C1QTNF4: variants seen among roughly 807,000 people sequenced by gnomAD.
C1QTNF4 encodes C1q and TNF related 4.
A neutral mutation model predicts 14.6 loss-of-function variants in C1QTNF4; 12 were observed. That is an observed-to-expected ratio of 0.82 (90% CI 0.53 to 1.33). The LOEUF is 1.33. Among genes scored for constraint, C1QTNF4 ranks in the 40% most tolerant of loss-of-function variants. C1QTNF4 has a pLI of 0.00. For missense variants in C1QTNF4, 558 were observed against 500.3 expected, an observed-to-expected ratio of 1.12 and a Z score of -1.10; for synonymous variants, 278 against 246.6, an observed-to-expected ratio of 1.13 and a Z score of -1.19.
upstream of C1QTNF4, among the ~76,000 whole-genome samples, chr11:47,595,048 G>A (rs567352399): frequency 1.3e-5 from 2 of 152,180 alleles, no homozygotes; most frequent in Admixed American, 6.5e-5. Context: ...GGCAATAGGT[G>A]GGGAAGAAAG....
At chr11:47,592,999 G>A (rs1457626644) in intron 1 of C1QTNF4, among the ~76,000 whole-genome samples, 1 of 152,102 alleles carries the variant, frequency 6.6e-6, no homozygotes, top group East Asian at 1.9e-4. Context: ...GGAGGGAAGG[G>A]GCCATCCACA....
At chr11:47,591,613 C>T (rs1440484584) in intron 1 of C1QTNF4, among the ~76,000 whole-genome samples, 2 of 146,452 alleles carry the variant, frequency 1.4e-5, no homozygotes, top group African/African-American at 5.1e-5. Context: ...TGGTCTTGAT[C>T]TCTTGACCTT....
In C1QTNF4 at chr11:47,589,796, C is replaced by G. The variant is rs955751474; in HGVS notation, c.*25G>C. On this transcript the variant is annotated 3_prime_UTR_variant, in exon 2 of 2. Coordinates refer to ENST00000302514, the MANE Select transcript of C1QTNF4 (RefSeq NM_031909.3). Reference sequence around the variant, plus strand: ...GCCTGGCATGCACGCCCCTGGCCCTCCCGGGCTCTTCTCTGGCCCGGGGCT... The same window carrying G: ...GCCTGGCATGCACGCCCCTGGCCCTGCCGGGCTCTTCTCTGGCCCGGGGCT... 1.3e-6 allele frequency: 2 copies of G among 1,488,910 alleles called. No individual in the cohort carries two copies. Among genetic ancestry groups the G allele is most frequent in the Non-Finnish European group, 1.8e-6 (2 of 1,119,002 alleles). The allele number at this position is 1,488,910 out of a possible 1,614,324, so 92.2% of individuals were successfully genotyped here. A position where few individuals can be genotyped will look rare whatever the true frequency, so the allele number is the denominator to read the frequency against.
intron 1 of C1QTNF4, among the ~76,000 whole-genome samples, chr11:47,592,255 G>A (rs945575038): frequency 6.6e-6 from 1 of 152,258 alleles, no homozygotes; most frequent in Middle Eastern, 3.4e-3. Flanking sequence ...GGATTGGAGA[G>A]GACAGATAGC....
intron 1 of C1QTNF4, among the ~76,000 whole-genome samples, 172 bp downstream of exon 1, chr11:47,593,976 C>T (rs575635465): frequency 3.3e-5 from 5 of 152,306 alleles, no homozygotes; most frequent in Admixed American, 2.0e-4. Flanking sequence ...CCCCCGAGAC[C>T]TTCCCTCCAT....
At chr11:47,591,142 G>C (rs944187499) in intron 1 of C1QTNF4, among the ~76,000 whole-genome samples, 1 of 152,140 alleles carries the variant, frequency 6.6e-6, no homozygotes, top group Non-Finnish European at 1.5e-5. Flanking sequence ...GTAGTGGCAC[G>C]ATCTCGTTTC....
rs1418877379 is a variant in C1QTNF4, at chr11:47,590,437, T to A, written c.374A>T (p.Gln125Leu). 1 of 1,512,464 alleles carries A rather than the reference T, an allele frequency of 6.6e-7. No individual in the cohort carries two copies. Among genetic ancestry groups the A allele is most frequent in the Admixed American group, 2.1e-5 (1 of 46,742 alleles). The allele number at this position is 1,512,464 out of a possible 1,614,324, so 93.7% of individuals were successfully genotyped here. ...CCACACTGTGTCGCCGTAGTCGAGC[T>A]GCAGCATGGCGCTCTGGCTGGCTGC... ...RRAASQSAML[Q>L]LDYGDTVWLR... The change falls in exon 2 of 2, where the codon CAG becomes CTG. Residue 125 changes from glutamine to leucine, a missense_variant. Transcript: ENST00000302514.
chr11:47,593,874 C>T (rs1041974979), intron 1 of C1QTNF4, among the ~76,000 whole-genome samples: 79 of 152,074 alleles, frequency 5.2e-4, no homozygotes, highest in African/African-American at 1.6e-3. Context: ...CCCTCCCCAA[C>T]CTACCTTGAA....
Position 47,590,053 on chromosome 11 carries a change from T to G in C1QTNF4, c.758A>C (p.Glu253Ala). Residue 253 changes from glutamate (E) to alanine (A), a missense_variant, in exon 2 of 2, where the codon GAG (glutamate) becomes GCG (alanine). Physicochemically the swap from Glu to Ala is moderately radical, Grantham distance 107. Transcript: ENST00000302514. ...LSVKLMKNRD[E>A]VQAMIYDDGA... is the part of the protein sequence containing the mutation. ...GTCGTCGTAAATCATGGCCTGCACCTCGTCGCGGTTCTTCATCAGCTTAAC... is the reference window on the plus strand; with the variant it reads ...GTCGTCGTAAATCATGGCCTGCACCGCGTCGCGGTTCTTCATCAGCTTAAC... 6.2e-7 allele frequency: 1 copy of G among 1,612,756 alleles called. No homozygotes were observed. The highest frequency in any genetic ancestry group is 8.5e-7 in the Non-Finnish European group (1 of 1,179,168).
intron 1 of C1QTNF4, among the ~76,000 whole-genome samples, chr11:47,593,170 CCCA>C (rs1356563284): frequency 1.3e-5 from 2 of 152,170 alleles, no homozygotes; most frequent in Non-Finnish European, 2.9e-5. Context: ...CCCAAGGTCA[CCCA>C]TGGAGCACTG....
In C1QTNF4 at chr11:47,590,835, G is replaced by T; in HGVS notation, c.-5-20C>A. The T allele has an allele frequency of 6.9e-7, 1 of 1,457,892 alleles. No homozygotes were observed. Among genetic ancestry groups the T allele is most frequent in the South Asian group, 1.4e-5 (1 of 70,432 alleles). The allele number at this position is 1,457,892 out of a possible 1,614,324, so 90.3% of individuals were successfully genotyped here. On this transcript the variant is annotated intron_variant, in intron 1 of 1. Coordinates refer to ENST00000302514, the MANE Select transcript of C1QTNF4 (RefSeq NM_031909.3). ...TGGCGCCTGGGAGGGAGACGGAGGG[G>T]CGAGAGTGGAGTGTTGGCAGGGGCG...
rs2097274569 is a variant in C1QTNF4, at chr11:47,590,270, C to T, written c.541G>A (p.Ala181Thr). ...APPEPRSAFS[A>T]ARTRSLVGSD... ...CCCACCAAGCTGCGCGTGCGCGCCG[C>T]CGAGAAGGCCGAGCGCGGCTCGGGG... Residue 181 changes from alanine (A) to threonine (T), a missense_variant, in exon 2 of 2, where the codon GCG becomes ACG. Ala to Thr is a moderately conservative substitution (Grantham distance 58). Transcript: ENST00000302514. 1.5e-6 allele frequency: 2 copies of T among 1,332,858 alleles called. No homozygotes were observed. The highest frequency in any genetic ancestry group is 4.1e-5 in the Admixed American group (1 of 24,490). The allele number at this position is 1,332,858 out of a possible 1,614,324, so 82.6% of individuals were successfully genotyped here.
chr11:47,590,933 G>A, intron 1 of C1QTNF4, 118 bp from the exon 2 acceptor site: 7 of 1,401,706 alleles, frequency 5.0e-6, no homozygotes, highest in Non-Finnish European at 6.5e-6. Context: ...CCACAAGTAG[G>A]TTTCAATTTT....
intron 1 of C1QTNF4, among the ~76,000 whole-genome samples, chr11:47,591,397 C>CTT (rs796622746): frequency 3.8e-5 from 4 of 106,032 alleles, no homozygotes; most frequent in Non-Finnish European, 7.8e-5. Flanking sequence ...GCCCCCCCCC[C>CTT]TTTTTTTTTT....
intron 1 of C1QTNF4, among the ~76,000 whole-genome samples, chr11:47,592,148 C>T (rs186700475): frequency 2.0e-4 from 30 of 152,268 alleles, no homozygotes; most frequent in Admixed American, 1.6e-3. Flanking sequence ...GAAGGAGTGG[C>T]GAGCCAGGGG....
chr11:47,590,231 G>A lies in C1QTNF4; in HGVS notation c.580C>T (p.Pro194Ser), dbSNP rs1456276643. ...TRSLVGSDAG[P>S]GPRHQPLAFD... The stretch of plus-strand genomic sequence containing the variant: ...GCGAGTGGTTGGTGCCGCGGCCCGG[G>A]GCCAGCGTCCGAGCCCACCAAGCTG... The change falls in exon 2 of 2, where the codon CCC becomes TCC. Residue 194 changes from proline to serine, a missense_variant. Transcript: ENST00000302514. 9 of 1,526,298 alleles carry A rather than the reference G, an allele frequency of 5.9e-6. No individual in the cohort carries two copies. The highest frequency in any genetic ancestry group is 1.8e-4 in the Middle Eastern group (1 of 5,464). 94.5% of individuals were successfully genotyped at this position (1,526,298 alleles called of 1,614,324 possible). A position where few individuals can be genotyped will look rare whatever the true frequency, so the allele number is the denominator to read the frequency against.
At position 47,590,784 on chromosome 11, in the gene C1QTNF4, C is replaced by A; in HGVS notation, c.27G>T (p.Leu9=). The change falls in exon 2 of 2, where the codon CTG becomes CTT. Residue 9 remains leucine, a synonymous_variant. Coordinates refer to ENST00000302514, the MANE Select transcript of C1QTNF4 (RefSeq NM_031909.3). ...CCAGGGCCCAGCAGGCCGCTGGGCCCAGCAGGCCCAGCAGAAGCGGCAGCA... is the reference window on the plus strand; with the variant it reads ...CCAGGGCCCAGCAGGCCGCTGGGCCAAGCAGGCCCAGCAGAAGCGGCAGCA... MLPLLLGL[L]GPAACWALGP... The A allele has an allele frequency of 1.3e-6, 2 of 1,516,466 alleles. No individual in the cohort carries two copies. Among genetic ancestry groups the A allele is most frequent in the Non-Finnish European group, 1.8e-6 (2 of 1,138,264 alleles). 93.9% of individuals were successfully genotyped at this position (1,516,466 alleles called of 1,614,324 possible).
At chr11:47,592,512 G>A (rs1417479276) in intron 1 of C1QTNF4, among the ~76,000 whole-genome samples, 1 of 152,118 alleles carries the variant, frequency 6.6e-6, no homozygotes, top group Non-Finnish European at 1.5e-5. Context: ...AGGGTTTAGG[G>A]ACTCAGTCAC....
At chr11:47,594,550 C>G (rs2097277248), upstream of C1QTNF4, 1 of 152,576 alleles carries the variant, frequency 6.6e-6, no homozygotes, top group Admixed American at 6.5e-5. Context: ...GCTTCGTCCT[C>G]TGGGTCTAGA....
Sources: gnomAD v4.1 joint callset for allele counts (sites outside exome capture counted in the v4.1 genomes callset) on GRCh38, gnomAD v4.1.1 for gene constraint, MANE v1.5 for transcripts, NCBI Gene and HGNC (gene_info 2026-07-23, HGNC 2026-07-21) for gene names.